Variants in SMARCA2 observed in about 807,000 individuals in gnomAD.
The protein encoded by SMARCA2 is SWI/SNF-related matrix-associated actin-dependent regulator of chromatin subfamily A member 2.
Under a neutral mutation model 199.8 loss-of-function variants are expected in SMARCA2, and 61 were observed. The observed-to-expected ratio is 0.31, with a 90% confidence interval of 0.25 to 0.38. SMARCA2 has a LOEUF of 0.38. Ranked by LOEUF, SMARCA2 falls within the 10% of genes least tolerant of loss-of-function variation. The pLI, the probability that SMARCA2 is intolerant of heterozygous loss-of-function variation, is 1.00. For synonymous variants in SMARCA2, 935 were observed against 732.0 expected (o/e 1.28, Z -4.48); for missense variants, 1,344 against 2,012.2 (o/e 0.67, Z 6.35).
intron 9 of SMARCA2, among the ~76,000 whole-genome samples, chr9:2,061,806 G>T (rs1820605020): frequency 6.6e-6 from 1 of 152,186 alleles, no homozygotes; most frequent in South Asian, 2.1e-4. Context: ...TGAACAAAAT[G>T]CTTTTCAAAA....
chr9:2,136,452 T>C (rs1212805242), intron 27 of SMARCA2, among the ~76,000 whole-genome samples: 1 of 152,134 alleles, frequency 6.6e-6, no homozygotes, highest in Admixed American at 6.5e-5. Context: ...CCTCCCAAAA[T>C]GCTGGGATTA....
rs147463032 is a variant in SMARCA2, at chr9:2,136,411, C to T, written c.3981+12474C>T. Among the ~76,000 whole-genome samples, 964 of 152,176 alleles carry T rather than the reference C, an allele frequency of 6.3e-3. 10 individuals carry two copies. Among genetic ancestry groups the T allele is most frequent in the African/African-American group, 0.022 (909 of 41,498 alleles). On this transcript the variant is annotated intron_variant, in intron 27 of 33. Transcript: ENST00000349721. ...CCATGTTGGCCAATCTGGTCTCGAA[C>T]TCCTGACCTCAAGTGATCTGCCCAC...
At chr9:2,179,727 C>G (rs1826878863) in intron 29 of SMARCA2, among the ~76,000 whole-genome samples, 1 of 152,138 alleles carries the variant, frequency 6.6e-6, no homozygotes, top group Admixed American at 6.5e-5. Flanking sequence ...TGTGCCTGTA[C>G]TCCATCAATA....
chr9:2,106,053 C>T lies in SMARCA2; in HGVS notation c.3292+1884C>T, dbSNP rs534905488. Among the ~76,000 whole-genome samples, 232 of 152,310 alleles carry T rather than the reference C, an allele frequency of 1.5e-3. 1 individual carries two copies. Among genetic ancestry groups the T allele is most frequent in the Admixed American group, 5.2e-3 (80 of 15,304 alleles). ...GTCACAACAGCTAACATGTATGGAA[C>T]ACCGCTCTGTGGGACTCTGGGCCAA... On this transcript the variant is annotated intron_variant, in intron 23 of 33. Coordinates refer to ENST00000349721, the MANE Select transcript of SMARCA2 (RefSeq NM_003070.5).
intron 27 of SMARCA2, among the ~76,000 whole-genome samples, chr9:2,155,612 C>T (rs1490794158): frequency 6.6e-6 from 1 of 151,048 alleles, no homozygotes; most frequent in Non-Finnish European, 1.5e-5. Context: ...TTGCTTTTAA[C>T]TAAAATAGTG....
At chr9:2,122,445 C>T (rs918844127) in intron 26 of SMARCA2, among the ~76,000 whole-genome samples, 2 of 152,134 alleles carry the variant, frequency 1.3e-5, no homozygotes, top group Admixed American at 6.5e-5. Context: ...TTTGGTGGAT[C>T]CATTTCTCAT....
chr9:2,166,405 C>A (rs972617377), intron 28 of SMARCA2, among the ~76,000 whole-genome samples: 3 of 152,166 alleles, frequency 2.0e-5, no homozygotes, highest in African/African-American at 7.2e-5. Context: ...TATGTGACTT[C>A]TTGAAATAAC....
At chr9:2,121,910 T>G (rs777251563) in intron 26 of SMARCA2, among the ~76,000 whole-genome samples, 1 of 152,204 alleles carries the variant, frequency 6.6e-6, no homozygotes, top group Non-Finnish European at 1.5e-5. Flanking sequence ...AAAAAGCACT[T>G]TTAAAACTAA....
At chr9:2,156,015 C>T (rs1242996684) in intron 27 of SMARCA2, among the ~76,000 whole-genome samples, 2 of 152,080 alleles carry the variant, frequency 1.3e-5, no homozygotes, top group Non-Finnish European at 2.9e-5. Flanking sequence ...AAGTCCTTAC[C>T]CTTCAGACCA....
At chr9:2,160,724 AGTTAT>A (rs1825624093) in intron 27 of SMARCA2, 1 of 534,668 alleles carries the variant, frequency 1.9e-6, no homozygotes, top group South Asian at 2.8e-5. Flanking sequence ...TAACAACATT[AGTTAT>A]TTTGTGTGAG....
chr9:2,144,197 T>C (rs1824604825), intron 27 of SMARCA2, among the ~76,000 whole-genome samples: 1 of 152,212 alleles, frequency 6.6e-6, no homozygotes, highest in African/African-American at 2.4e-5. Context: ...GGTATTATCT[T>C]GTGAAGGAGT....
chr9:2,089,648 A>G (rs1821965277), intron 19 of SMARCA2, among the ~76,000 whole-genome samples: 1 of 152,212 alleles, frequency 6.6e-6, no homozygotes, highest in Non-Finnish European at 1.5e-5. Context: ...TACGTATTTA[A>G]GTATTTTATT....
At chr9:2,018,074 A>C (rs562845871) in intron 1 of SMARCA2, 1 of 152,334 alleles carries the variant, frequency 6.6e-6, no homozygotes, top group South Asian at 2.1e-4. Flanking sequence ...TGCACATTCA[A>C]ACTTCGGGCC....
intron 27 of SMARCA2, among the ~76,000 whole-genome samples, chr9:2,135,668 A>C (rs1010225731): frequency 7.9e-5 from 12 of 152,020 alleles, no homozygotes; most frequent in African/African-American, 2.9e-4. Flanking sequence ...CAGCCTCCCA[A>C]GTAGCTGGGA....
rs1028782386 is a variant in SMARCA2, at chr9:2,020,571, G to A, written c.-37+5167G>A. Among the ~76,000 whole-genome samples, 37 of 152,088 alleles carry A rather than the reference G, an allele frequency of 2.4e-4. 2 individuals are homozygous for A. The highest frequency in any genetic ancestry group is 1.6e-4 in the Non-Finnish European group (11 of 67,994). On this transcript the variant is annotated intron_variant, in intron 1 of 33. Coordinates refer to ENST00000349721, the MANE Select transcript of SMARCA2 (RefSeq NM_003070.5). ...TATGAAAGAGAGCATATTTATTTAC[G>A]TAAGATATTTATCATTAAGTTAAAT...
At chr9:2,147,309 G>T (rs1466927780) in intron 27 of SMARCA2, among the ~76,000 whole-genome samples, 1 of 149,300 alleles carries the variant, frequency 6.7e-6, no homozygotes, top group Non-Finnish European at 1.5e-5. Flanking sequence ...AAAGATGGAA[G>T]AGCAGATGCC....
chr9:2,092,556 A>G (rs1424453404), intron 19 of SMARCA2, among the ~76,000 whole-genome samples: 1 of 152,238 alleles, frequency 6.6e-6, no homozygotes, highest in Non-Finnish European at 1.5e-5. Context: ...ATTATAAATG[A>G]AGAATAGTAT....
At chr9:2,030,496 C>T (rs1819014851) in intron 2 of SMARCA2, among the ~76,000 whole-genome samples, 1 of 151,246 alleles carries the variant, frequency 6.6e-6, no homozygotes, top group Non-Finnish European at 1.5e-5. Flanking sequence ...GGAGAAGACC[C>T]AGCTTAAGCA....
chr9:2,039,360 T>A lies in SMARCA2; in HGVS notation c.356-106T>A, dbSNP rs1358310542. 1.2e-5 allele frequency: 12 copies of A among 1,029,942 alleles called. No individual in the cohort carries two copies. The East Asian group carries it at 2.5e-4, about 21-fold the overall frequency. The allele number at this position is 1,029,942 out of a possible 1,614,324, so 63.8% of individuals were successfully genotyped here. A position where few individuals can be genotyped will look rare whatever the true frequency, so the allele number is the denominator to read the frequency against. The stretch of plus-strand genomic sequence containing the variant: ...TTAATAAATGATATGTCATTCAAAT[T>A]TCTGTCAGACAGTGTTGCTGTGGAC... On this transcript the variant is annotated intron_variant, in intron 3 of 33. Coordinates refer to ENST00000349721, the MANE Select transcript of SMARCA2 (RefSeq NM_003070.5). The surrounding 1 kb of genome is among the most constrained non-coding windows in gnomAD (Gnocchi z 4.8).
Sources: allele counts gnomAD v4.1 joint callset (sites outside exome capture counted in the v4.1 genomes callset), GRCh38; gene constraint gnomAD v4.1.1; non-coding constraint Gnocchi (gnomAD v3.1); transcripts MANE v1.5; gene names NCBI Gene and HGNC (gene_info 2026-07-23, HGNC 2026-07-21).